THSD7B: variants seen among roughly 807,000 people sequenced by gnomAD.
THSD7B encodes thrombospondin type-1 domain-containing protein 7B.
In THSD7B, 138 loss-of-function variants were observed where a neutral mutation model predicts 213.6. The ratio of observed to expected loss-of-function variants is 0.65; its 90% CI spans 0.56 to 0.74. The LOEUF is 0.74. Ranked by LOEUF, THSD7B falls within the 30% of genes least tolerant of loss-of-function variation. THSD7B has a pLI of 0.00. For missense variants in THSD7B, 1,931 were observed against 1,991.5 expected (o/e 0.97, Z 0.58); for synonymous variants, 742 against 687.0 (o/e 1.08, Z -1.25).
At chr2:137,395,138 A>G (rs1686143550) in intron 12 of THSD7B, among the ~76,000 whole-genome samples, 1 of 144,316 alleles carries the variant, frequency 6.9e-6, no homozygotes, top group Non-Finnish European at 1.5e-5. Flanking sequence ...TCTTCTCCTA[A>G]TTGAATACCC....
rs552873726 is a variant in THSD7B at position 137,021,630 on chromosome 2, A to G, written c.140-34790A>G. ...TTTACTCAGTTTCTCCAATGTTTAC[A>G]TCTTGCAAAACAATAGTACAATTGC... On this transcript the variant is annotated intron_variant, in intron 2 of 27. Transcript: ENST00000409968. Among the ~76,000 whole-genome samples the G allele has an allele frequency of 3.3e-5, 5 of 152,322 alleles. No individual in the cohort carries two copies. The South Asian group carries it at 1.0e-3, about 32-fold the overall frequency.
rs1681928772 is a variant in THSD7B, at chr2:137,242,358, A to G, written c.2151-99A>G. ...CTCTTCCCTCACCTATTAAGGGAAC[A>G]TGAGGCCCTTAATATTTTCGGTTCT... On this transcript the variant is annotated intron_variant, in intron 9 of 27. Coordinates refer to ENST00000409968, the MANE Select transcript of THSD7B (RefSeq NM_001316349.2). 3.5e-6 allele frequency: 3 copies of G among 852,214 alleles called. No individual in the cohort carries two copies. The East Asian group carries it at 7.9e-5, about 22-fold the overall frequency. 52.8% of individuals were successfully genotyped at this position (852,214 alleles called of 1,614,324 possible). A position where few individuals can be genotyped will look rare whatever the true frequency, so the allele number is the denominator to read the frequency against.
At chr2:137,617,156 T>C (rs373984016) in intron 18 of THSD7B, among the ~76,000 whole-genome samples, 2 of 152,244 alleles carry the variant, frequency 1.3e-5, no homozygotes, top group Non-Finnish European at 2.9e-5. Context: ...GGTGTATTTG[T>C]CCTTTTTCTT....
intron 2 of THSD7B, among the ~76,000 whole-genome samples, chr2:137,053,577 A>T (rs1413817100): frequency 4.5e-5 from 4 of 88,606 alleles, no homozygotes; most frequent in African/African-American, 1.7e-4. Context: ...AATTTATAAT[A>T]AAAAAAAAAA....
chr2:136,805,981 T>C (rs1048726956), intron 1 of THSD7B, among the ~76,000 whole-genome samples: 1 of 152,212 alleles, frequency 6.6e-6, no homozygotes, highest in African/African-American at 2.4e-5. Context: ...ATTTAGAATA[T>C]GCCATGTGTT....
rs1324706356 is a variant in THSD7B, at chr2:137,444,182, T to C, written c.2960-6663T>C. Among the ~76,000 whole-genome samples the C allele has an allele frequency of 1.3e-5, 2 of 152,042 alleles. 1 individual carries two copies. The highest frequency in any genetic ancestry group is 3.9e-4 in the East Asian group (2 of 5,188). ...AGACCTAAACAAGGTTGGAAGCATC[T>C]TTATGAGAGTATGCAACTTCTTTTC... On this transcript the variant is annotated intron_variant, in intron 14 of 27. Transcript: ENST00000409968.
chr2:137,443,428 A>G (rs1342927173), intron 14 of THSD7B, among the ~76,000 whole-genome samples: 1 of 152,118 alleles, frequency 6.6e-6, no homozygotes, highest in Non-Finnish European at 1.5e-5. Flanking sequence ...TGTTATCTCA[A>G]TTTGTCATAG....
intron 6 of THSD7B, among the ~76,000 whole-genome samples, chr2:137,168,923 G>T (rs1011202938): frequency 6.6e-6 from 1 of 152,122 alleles, no homozygotes; most frequent in Admixed American, 6.6e-5. Flanking sequence ...TTTCAAGGTG[G>T]CTTAGGAAGC....
At chr2:137,107,600 A>G (rs1016272041) in intron 4 of THSD7B, among the ~76,000 whole-genome samples, 2 of 152,220 alleles carry the variant, frequency 1.3e-5, no homozygotes, top group African/African-American at 4.8e-5. Flanking sequence ...AAAAGAAACA[A>G]TAGATTTCAA....
At chr2:136,818,428 G>A (rs1385178077) in intron 1 of THSD7B, among the ~76,000 whole-genome samples, 45 of 150,662 alleles carry the variant, frequency 3.0e-4, no homozygotes, top group South Asian at 2.8e-3. Flanking sequence ...GGATAGCATT[G>A]GGAGATATAC....
intron 12 of THSD7B, among the ~76,000 whole-genome samples, chr2:137,311,020 A>AT (rs1360977638): frequency 1.3e-5 from 2 of 150,130 alleles, no homozygotes; most frequent in Non-Finnish European, 3.0e-5. Context: ...ACTTTAAAGT[A>AT]TTTTTTTCCA....
At chr2:137,120,382 T>C (rs1688525148) in intron 5 of THSD7B, among the ~76,000 whole-genome samples, 1 of 151,540 alleles carries the variant, frequency 6.6e-6, no homozygotes, top group African/African-American at 2.4e-5. Flanking sequence ...GACAAGCAGT[T>C]ACTCCAGTGT....
intron 21 of THSD7B, among the ~76,000 whole-genome samples, chr2:137,651,192 C>G (rs1683130822): frequency 6.6e-6 from 1 of 151,964 alleles, no homozygotes; most frequent in Admixed American, 6.6e-5. Context: ...ATTAATGAAG[C>G]CATCAGAGTC....
At chr2:137,520,787 G>A (rs1290284912) in intron 15 of THSD7B, among the ~76,000 whole-genome samples, 1 of 152,160 alleles carries the variant, frequency 6.6e-6, no homozygotes, top group Non-Finnish European at 1.5e-5. Flanking sequence ...ACATTAAATT[G>A]CAATTACATA....
chr2:137,430,156 A>G (rs1687143821), intron 14 of THSD7B, among the ~76,000 whole-genome samples: 1 of 152,088 alleles, frequency 6.6e-6, no homozygotes. Context: ...CTGAGGTGGG[A>G]GGACTACTTG....
intron 12 of THSD7B, among the ~76,000 whole-genome samples, chr2:137,291,493 G>T (rs997762993): frequency 6.6e-6 from 1 of 152,084 alleles, no homozygotes; most frequent in Non-Finnish European, 1.5e-5. Flanking sequence ...CATTATTGGA[G>T]GTTCAGAGCT....
intron 2 of THSD7B, among the ~76,000 whole-genome samples, chr2:137,016,986 C>T (rs192649311): frequency 6.6e-6 from 1 of 152,084 alleles, no homozygotes; most frequent in African/African-American, 2.4e-5. Context: ...CTTTATGTTA[C>T]ATAGCACTCC....
At chr2:136,896,019 T>C (rs1476357859) in intron 2 of THSD7B, among the ~76,000 whole-genome samples, 1 of 152,244 alleles carries the variant, frequency 6.6e-6, no homozygotes, top group South Asian at 2.1e-4. Flanking sequence ...TTGTGTTGTT[T>C]CTACTCTTTG....
intron 2 of THSD7B, among the ~76,000 whole-genome samples, chr2:136,924,215 G>A (rs773446434): frequency 5.3e-5 from 8 of 152,128 alleles, no homozygotes; most frequent in Non-Finnish European, 8.8e-5. Context: ...CTGAGTAGCT[G>A]GGATTACAGG....
Sources: allele counts gnomAD v4.1 joint callset (sites outside exome capture counted in the v4.1 genomes callset), GRCh38; gene constraint gnomAD v4.1.1; transcripts MANE v1.5; gene names NCBI Gene and HGNC (gene_info 2026-07-23, HGNC 2026-07-21).